The following CNTN4 variants were observed in gnomAD, a reference collection of about 807,000 sequenced individuals.
CNTN4 encodes the protein contactin-4.
A neutral mutation model predicts 122.5 loss-of-function variants in CNTN4; 77 were observed. That is an observed-to-expected ratio of 0.63 (90% confidence interval 0.52 to 0.76). The LOEUF (loss-of-function observed/expected upper bound fraction) is 0.76. Ranked by LOEUF, CNTN4 falls within the 30% of genes least tolerant of loss-of-function variation. The pLI is 0.00. For synonymous variants in CNTN4, 512 were observed against 447.0 expected (o/e 1.15, Z -1.83); for missense variants, 1,256 against 1,259.1 (o/e 1.00, Z 0.04).
chr3:2,528,755 C>T (rs1377963606), intron 3 of CNTN4, among the ~76,000 whole-genome samples: 1 of 151,942 alleles, frequency 6.6e-6, no homozygotes. Flanking sequence ...ACTCTTAATA[C>T]TCCATAATTA....
chr3:2,660,114 T>TG (rs1408559247), intron 4 of CNTN4, among the ~76,000 whole-genome samples: 1 of 152,176 alleles, frequency 6.6e-6, no homozygotes, highest in East Asian at 1.9e-4. Flanking sequence ...GAATAATCTA[T>TG]GTGAGGAGTG....
chr3:2,396,588 A>G (rs563807855), intron 3 of CNTN4, among the ~76,000 whole-genome samples: 31 of 151,982 alleles, frequency 2.0e-4, no homozygotes, highest in African/African-American at 6.7e-4. Context: ...TGGAGCTACC[A>G]TGATGCCACA....
At chr3:2,892,222 GT>G (rs2094050586) in intron 10 of CNTN4, 1 of 152,178 alleles carries the variant, frequency 6.6e-6, no homozygotes, top group Non-Finnish European at 1.5e-5. Context: ...CTCGTTCTAT[GT>G]TCCCAGTGGG....
At position 2,988,405 on chromosome 3, in the gene CNTN4, G is replaced by A. The variant is rs1694769145; in HGVS notation, c.1419G>A (p.Gly473=). The A allele has an allele frequency of 1.2e-6, 2 of 1,613,722 alleles. No homozygotes were observed. Among genetic ancestry groups the A allele is most frequent in the Non-Finnish European group, 1.7e-6 (2 of 1,179,750 alleles). ...RIINVTKSDA[G]SYTCIATNHF... ...TCAACGTTACTAAATCAGACGCTGG[G>A]AGTTATACCTGTATAGCCACTAACC... is the stretch of plus-strand genomic sequence containing the variant. The change falls in exon 14 of 25, where the codon GGG becomes GGA. Residue 473 remains glycine, a synonymous_variant. Coordinates refer to ENST00000418658, the MANE Select transcript of CNTN4 (RefSeq NM_175607.3).
intron 21 of CNTN4, 116 bp downstream of exon 21, chr3:3,042,538 A>G: frequency 1.4e-6 from 1 of 739,900 alleles, no homozygotes; most frequent in Non-Finnish European, 2.4e-6. Flanking sequence ...CATTGGTTTT[A>G]GGCCTGGCTT....
chr3:3,038,425 G>C (rs1164011200), intron 18 of CNTN4, among the ~76,000 whole-genome samples: 1 of 152,126 alleles, frequency 6.6e-6, no homozygotes. Context: ...CCCCAGCTCT[G>C]AGCAGGGCGC....
chr3:2,376,745 T>C (rs2045833899), intron 3 of CNTN4, among the ~76,000 whole-genome samples: 1 of 152,060 alleles, frequency 6.6e-6, no homozygotes, highest in Non-Finnish European at 1.5e-5. Context: ...ATTTCCACTT[T>C]TGATATTTGC....
chr3:2,241,281 C>G (rs1010724454), intron 2 of CNTN4, among the ~76,000 whole-genome samples: 2 of 152,048 alleles, frequency 1.3e-5, no homozygotes, highest in African/African-American at 4.8e-5. Flanking sequence ...ATTAATTTGT[C>G]TTTATTGCTT....
intron 6 of CNTN4, among the ~76,000 whole-genome samples, chr3:2,817,255 C>T (rs1047046973): frequency 6.6e-6 from 1 of 152,152 alleles, no homozygotes; most frequent in South Asian, 2.1e-4. Flanking sequence ...ATACTTGAAA[C>T]AAAGAACATT....
intron 3 of CNTN4, among the ~76,000 whole-genome samples, chr3:2,504,018 T>C (rs2076667960): frequency 6.8e-6 from 1 of 146,270 alleles, no homozygotes; most frequent in African/African-American, 2.5e-5. Flanking sequence ...AAAGCTTTTC[T>C]TTTTTTTTTT....
intron 2 of CNTN4, among the ~76,000 whole-genome samples, chr3:2,302,143 G>A (rs565080550): frequency 2.6e-5 from 4 of 152,176 alleles, no homozygotes; most frequent in African/African-American, 7.2e-5. Context: ...ATAAAACTTA[G>A]AATTGGGCTG....
At chr3:2,641,459 T>C (rs1274891926) in intron 4 of CNTN4, among the ~76,000 whole-genome samples, 3 of 152,150 alleles carry the variant, frequency 2.0e-5, no homozygotes, top group Non-Finnish European at 4.4e-5. Context: ...AGGAAATATC[T>C]CATTTAAGCA....
chr3:2,956,947 C>G (rs1286547639), intron 13 of CNTN4, among the ~76,000 whole-genome samples: 1 of 152,146 alleles, frequency 6.6e-6, no homozygotes, highest in Non-Finnish European at 1.5e-5. Flanking sequence ...CAGGTTCATC[C>G]TTGTTGCTGC....
At chr3:2,869,108 G>A (rs1292605931) in intron 8 of CNTN4, among the ~76,000 whole-genome samples, 1 of 152,196 alleles carries the variant, frequency 6.6e-6, no homozygotes, top group Non-Finnish European at 1.5e-5. Context: ...GGTTAAAAGA[G>A]AGTTTTAATC....
At chr3:2,839,906 A>AT (rs571466871) in intron 7 of CNTN4, among the ~76,000 whole-genome samples, 58 of 152,128 alleles carry the variant, frequency 3.8e-4, no homozygotes, top group African/African-American at 1.4e-3. Flanking sequence ...CTTTTTTAAA[A>AT]TTTTTTTTCT....
intron 7 of CNTN4, among the ~76,000 whole-genome samples, chr3:2,848,376 C>A (rs1460212555): frequency 1.3e-5 from 2 of 152,154 alleles, no homozygotes; most frequent in Non-Finnish European, 2.9e-5. Flanking sequence ...CATGGAAGGA[C>A]AAGGGGGTTG....
intron 2 of CNTN4, among the ~76,000 whole-genome samples, chr3:2,130,000 C>T (rs568043921): frequency 6.6e-6 from 1 of 152,058 alleles, no homozygotes; most frequent in East Asian, 1.9e-4. Context: ...CTACTGTGAA[C>T]TGGAATACAT....
At chr3:2,969,010 T>G (rs1389932047) in intron 13 of CNTN4, among the ~76,000 whole-genome samples, 1 of 152,126 alleles carries the variant, frequency 6.6e-6, no homozygotes, top group Non-Finnish European at 1.5e-5. Flanking sequence ...TCACTCATTT[T>G]AAGTGTACAA....
At chr3:2,530,201 C>A (rs2077545068) in intron 3 of CNTN4, among the ~76,000 whole-genome samples, 1 of 151,884 alleles carries the variant, frequency 6.6e-6, no homozygotes, top group Admixed American at 6.6e-5. Context: ...TAGAATTCAG[C>A]CAAAATAAAT....
Sources: allele counts gnomAD v4.1 joint callset (sites outside exome capture counted in the v4.1 genomes callset), GRCh38; gene constraint gnomAD v4.1.1; transcripts MANE v1.5; gene names NCBI Gene and HGNC (gene_info 2026-07-23, HGNC 2026-07-21).